Variants in CRISP3 observed in about 807,000 individuals in gnomAD.
The protein encoded by CRISP3 is cysteine-rich secretory protein 3.
A neutral mutation model predicts 36.1 loss-of-function variants in CRISP3; 33 were observed. That is an observed-to-expected ratio of 0.91 (90% CI 0.69 to 1.22). CRISP3 has a LOEUF of 1.22. Among genes scored for constraint, CRISP3 ranks in the 50% most tolerant of loss-of-function variants. The pLI is 0.00. For synonymous variants in CRISP3, 117 were observed against 104.6 expected (o/e 1.12, Z -0.72); for missense variants, 330 against 301.2 (o/e 1.10, Z -0.71).
intron 6 of CRISP3, 43 bp downstream of exon 6, chr6:49,733,152 G>A: frequency 9.3e-7 from 1 of 1,073,458 alleles, no homozygotes. Flanking sequence ...ATGTTAAATT[G>A]TATTTAGCAT....
At chr6:49,734,518 ATT>A (rs1768993694) in intron 4 of CRISP3, among the ~76,000 whole-genome samples, 1 of 152,136 alleles carries the variant, frequency 6.6e-6, no homozygotes, top group South Asian at 2.1e-4. Context: ...TAAAATTAAT[ATT>A]TATATTTGGA....
chr6:49,737,615 T>C (rs1289502480), intron 1 of CRISP3, among the ~76,000 whole-genome samples: 1 of 152,098 alleles, frequency 6.6e-6, no homozygotes, highest in African/African-American at 2.4e-5. Flanking sequence ...CAAACCAAAA[T>C]TCCCGACTGA....
At chr6:49,738,606 T>C (rs1046278844) in intron 1 of CRISP3, among the ~76,000 whole-genome samples, 1 of 152,136 alleles carries the variant, frequency 6.6e-6, no homozygotes, top group African/African-American at 2.4e-5. Context: ...CCTTAGACTA[T>C]GAACTTAGCT....
At chr6:49,732,169 T>G (rs1768930833) in intron 6 of CRISP3, among the ~76,000 whole-genome samples, 1 of 152,192 alleles carries the variant, frequency 6.6e-6, no homozygotes, top group Non-Finnish European at 1.5e-5. Context: ...TTCCCTGTTT[T>G]CTCTCATTAC....
chr6:49,739,184 G>A (rs889949890), intron 1 of CRISP3, among the ~76,000 whole-genome samples: 3 of 152,100 alleles, frequency 2.0e-5, no homozygotes, highest in Admixed American at 1.3e-4. Flanking sequence ...ATTTAGAGAT[G>A]GGCCCTCTAG....
Position 49,731,244 on chromosome 6 carries a change from A to G in CRISP3, c.568T>C (p.Trp190Arg). 7 of 1,585,406 alleles carry G rather than the reference A, an allele frequency of 4.4e-6. No homozygotes were observed. The highest frequency in any genetic ancestry group is 6.0e-6 in the Non-Finnish European group (7 of 1,166,470). Residue 190 changes from tryptophan to arginine, a missense_variant, in exon 7 of 8, where the codon TGG (tryptophan) becomes CGG (arginine). Trp to Arg is a moderately radical substitution (Grantham distance 101, BLOSUM62 -3). Coordinates refer to ENST00000263045, the MANE Select transcript of CRISP3 (RefSeq NM_006061.4). ...YVCQYCPAGN[W>R]ANRLYVPYEQ... ...TAAGGGACATATAGTCTATTAGCCC[A>G]ATTACCACTGAAATTTGAAATAAAA...
chr6:49,729,001 T>TTTTAA, intron 7 of CRISP3, 144 bp from the exon 8 acceptor site: 1 of 638,746 alleles, frequency 1.6e-6, no homozygotes, highest in Non-Finnish European at 2.5e-6. Flanking sequence ...ATTTTATATC[T>TTTTAA]TGAGGGACAC....
intron 3 of CRISP3, 55 bp downstream of exon 3, chr6:49,736,336 C>T (rs1052871875): frequency 5.3e-6 from 6 of 1,140,006 alleles, no homozygotes; most frequent in Admixed American, 4.1e-5. Context: ...TTGCCAGCCG[C>T]CTACTCCTTC....
intron 4 of CRISP3, among the ~76,000 whole-genome samples, chr6:49,734,527 T>C (rs1768994178): frequency 6.6e-6 from 1 of 152,136 alleles, no homozygotes. Flanking sequence ...TATTTATATT[T>C]GGATGGCTTA....
intron 4 of CRISP3, 44 bp from the exon 5 acceptor site, chr6:49,733,892 C>T (rs1256877503): frequency 6.3e-7 from 1 of 1,577,570 alleles, no homozygotes; most frequent in Admixed American, 1.7e-5. Context: ...ATAAAGCATG[C>T]AATGGCAAAA....
chr6:49,741,273 A>G (rs1769195784), intron 1 of CRISP3, among the ~76,000 whole-genome samples: 2 of 151,908 alleles, frequency 1.3e-5, no homozygotes, highest in Admixed American at 6.6e-5. Flanking sequence ...CTAGTGTTGT[A>G]TGGTTCAAAT....
intron 3 of CRISP3, 151 bp downstream of exon 3, chr6:49,736,240 T>C: frequency 3.2e-6 from 2 of 620,596 alleles, no homozygotes. Context: ...AGTTAAGAAA[T>C]TCAGCTCTGC....
chr6:49,729,260 A>C lies in CRISP3; in HGVS notation c.650-403T>G, dbSNP rs143132230. Among the ~76,000 whole-genome samples the C allele has an allele frequency of 7.6e-3, 1,163 of 152,270 alleles. 19 individuals are homozygous for C. Among genetic ancestry groups the C allele is most frequent in the African/African-American group, 0.027 (1,117 of 41,552 alleles). On this transcript the variant is annotated intron_variant, in intron 7 of 7. Transcript: ENST00000263045. ...TAAAATTTCAGGTCTTTCCTCAACA[A>C]CACCAGTTATATCAAGTGTTCAGTA... is the stretch of plus-strand genomic sequence containing the variant.
At chr6:49,733,653 T>C (rs952505944) in intron 5 of CRISP3, 50 bp downstream of exon 5, 1 of 1,538,698 alleles carries the variant, frequency 6.5e-7, no homozygotes, top group African/African-American at 1.4e-5. Flanking sequence ...AAGAATCCTT[T>C]TTTTTTAGGG....
At chr6:49,729,005 G>A in intron 7 of CRISP3, 148 bp from the exon 8 acceptor site, 5 of 623,136 alleles carry the variant, frequency 8.0e-6, no homozygotes, top group Non-Finnish European at 1.0e-5. Flanking sequence ...TATATCTTGA[G>A]GGACACATAA....
chr6:49,729,067 T>TCGA (rs1768849878), intron 7 of CRISP3, among the ~76,000 whole-genome samples: 1 of 152,118 alleles, frequency 6.6e-6, no homozygotes, highest in Non-Finnish European at 1.5e-5. Flanking sequence ...CTTTTGGAAA[T>TCGA]GTTTCTAAGA....
chr6:49,741,634 T>A (rs976132230), intron 1 of CRISP3, among the ~76,000 whole-genome samples: 2 of 137,054 alleles, frequency 1.5e-5, no homozygotes, highest in Non-Finnish European at 1.6e-5. Context: ...TTTTTTTTTT[T>A]AAAGAAAAAA....
Position 49,733,811 on chromosome 6 carries a change from G to A in CRISP3, c.354C>T (p.Ala118=), listed in dbSNP as rs1267190711. ...KCGENLYMSS[A]SSSWSQAIQS... ...GGATTGCTTGTGACCATGAGCTGGA[G>A]GCACTTGACATGTAGAGATTCTCAC... Residue 118 remains alanine (A), a synonymous_variant, in exon 5 of 8, where the codon GCC becomes GCT. Coordinates refer to ENST00000263045, the MANE Select transcript of CRISP3 (RefSeq NM_006061.4). The A allele has an allele frequency of 5.0e-6, 8 of 1,613,516 alleles. No homozygotes were observed. Among genetic ancestry groups the A allele is most frequent in the African/African-American group, 1.3e-5 (1 of 74,860 alleles).
Position 49,731,272 on chromosome 6 carries a change from G to A in CRISP3, c.561-21C>T, listed in dbSNP as rs757850239. On this transcript the variant is annotated intron_variant, in intron 6 of 7. Coordinates refer to ENST00000263045, the MANE Select transcript of CRISP3 (RefSeq NM_006061.4). ...TACCACTGAAATTTGAAATAAAAAT[G>A]TCAAATATTTTTCATTTTTATGTTT... 5 of 1,507,088 alleles carry A rather than the reference G, an allele frequency of 3.3e-6. No homozygotes were observed. In the East Asian group the frequency reaches 6.9e-5, roughly 21 times the overall value. 93.4% of individuals were successfully genotyped at this position (1,507,088 alleles called of 1,614,324 possible).
Sources: allele counts gnomAD v4.1 joint callset (sites outside exome capture counted in the v4.1 genomes callset), GRCh38; gene constraint gnomAD v4.1.1; transcripts MANE v1.5; gene names NCBI Gene and HGNC (gene_info 2026-07-23, HGNC 2026-07-21).